ARHGEF6: variants seen among roughly 807,000 people sequenced by gnomAD.
ARHGEF6 encodes the protein rho guanine nucleotide exchange factor 6.
Under a neutral mutation model 70.3 loss-of-function variants are expected in ARHGEF6, and 9 were observed. The observed-to-expected ratio is 0.13, with a 90% CI of 0.08 to 0.22. The LOEUF (loss-of-function observed/expected upper bound fraction) is 0.22, where lower values mean the gene tolerates loss of function less well. Among genes scored for constraint, ARHGEF6 ranks in the 10% least tolerant of loss-of-function variants. The probability of loss-of-function intolerance (pLI) is 1.00; values close to 1 mark genes in which losing one functional copy is unlikely to be tolerated. For synonymous variants in ARHGEF6, 201 were observed against 207.8 expected (o/e 0.97, Z 0.28); for missense variants, 470 against 563.0 (o/e 0.83, Z 1.67).
intron 9 of ARHGEF6, among the ~76,000 whole-genome samples, chrX:136,698,492 G>T (rs2076534371): frequency 8.9e-6 from 1 of 111,765 alleles, no homozygotes; most frequent in Non-Finnish European, 1.9e-5. Context: ...AAGTCAAGGA[G>T]AAAACTGAAA....
chrX:136,768,565 A>T (rs2096310099), intron 2 of ARHGEF6: 1 of 112,341 alleles, frequency 8.9e-6, no homozygotes, highest in South Asian at 3.7e-4. Flanking sequence ...CTCATTTTAC[A>T]GATGACTCAA....
intron 7 of ARHGEF6, among the ~76,000 whole-genome samples, chrX:136,711,547 CTT>C (rs906612127): frequency 3.6e-5 from 4 of 111,705 alleles, no homozygotes; most frequent in African/African-American, 9.8e-5. Flanking sequence ...ACAAAAAATA[CTT>C]TGTTTTTTGT....
At chrX:136,726,592 G>A (rs1195932225) in intron 6 of ARHGEF6, among the ~76,000 whole-genome samples, 1 of 111,930 alleles carries the variant, frequency 8.9e-6, no homozygotes. Context: ...CTACAGCAAA[G>A]GTTACCCGAG....
At chrX:136,703,144 A>C in intron 9 of ARHGEF6, among the ~76,000 whole-genome samples, 1 of 112,274 alleles carries the variant, frequency 8.9e-6, no homozygotes, top group Non-Finnish European at 1.9e-5. Flanking sequence ...ATAAATAGGC[A>C]TGAATCTACA....
chrX:136,742,589 T>A (rs974813604), intron 5 of ARHGEF6, among the ~76,000 whole-genome samples: 3 of 111,947 alleles, frequency 2.7e-5, no homozygotes, highest in Non-Finnish European at 3.8e-5. Flanking sequence ...TTCTTATGTA[T>A]AAGGGTTTGC....
At chrX:136,672,999 GC>G (rs747065737) in intron 19 of ARHGEF6, among the ~76,000 whole-genome samples, 1 of 111,998 alleles carries the variant, frequency 8.9e-6, no homozygotes, top group Non-Finnish European at 1.9e-5. Flanking sequence ...AATACAGGTG[GC>G]CCCCCATATC....
chrX:136,761,290 G>C (rs1445807102), intron 2 of ARHGEF6, among the ~76,000 whole-genome samples: 4 of 111,849 alleles, frequency 3.6e-5, no homozygotes, highest in Non-Finnish European at 7.5e-5. Context: ...CTCTTACAAG[G>C]AGTTCCTAAA....
chrX:136,724,014 A>G (rs1314786335), intron 6 of ARHGEF6, among the ~76,000 whole-genome samples: 2 of 110,315 alleles, frequency 1.8e-5, no homozygotes, highest in African/African-American at 6.6e-5. Context: ...GCCCTTTTAT[A>G]TTCGGGAGGG....
At chrX:136,712,764 T>C (rs990047610) in intron 7 of ARHGEF6, among the ~76,000 whole-genome samples, 1 of 112,389 alleles carries the variant, frequency 8.9e-6, no homozygotes, top group Admixed American at 9.4e-5. Flanking sequence ...GAACATTTTG[T>C]CTTTAAAAAC....
At chrX:136,716,232 C>T (rs1338355639) in intron 6 of ARHGEF6, among the ~76,000 whole-genome samples, 2 of 112,794 alleles carry the variant, frequency 1.8e-5, no homozygotes, top group Non-Finnish European at 3.8e-5. Flanking sequence ...TGAGCCACTG[C>T]GCCCGGCCTG....
At chrX:136,732,498 C>T in intron 5 of ARHGEF6, among the ~76,000 whole-genome samples, 1 of 112,269 alleles carries the variant, frequency 8.9e-6, no homozygotes, top group Admixed American at 9.4e-5. Flanking sequence ...ATACGCAAAA[C>T]CAATACTAGC....
intron 21 of ARHGEF6, 23 bp from the exon 22 acceptor site, chrX:136,668,192 G>C: frequency 8.3e-7 from 1 of 1,209,886 alleles, no homozygotes; most frequent in Non-Finnish European, 1.1e-6. Flanking sequence ...AAGATTTGTT[G>C]ATTATCAAAC....
At chrX:136,717,146 A>G (rs1166898020) in intron 6 of ARHGEF6, among the ~76,000 whole-genome samples, 1 of 112,201 alleles carries the variant, frequency 8.9e-6, no homozygotes, top group East Asian at 2.8e-4. Context: ...ATAAATGCAA[A>G]AGAAAATTCT....
intron 2 of ARHGEF6, among the ~76,000 whole-genome samples, chrX:136,756,466 T>C (rs1198393264): frequency 1.8e-5 from 2 of 111,838 alleles, no homozygotes; most frequent in African/African-American, 6.5e-5. Context: ...GAATTGGTTA[T>C]ATTTTCAACC....
chrX:136,750,682 A>G (rs1470651476), intron 2 of ARHGEF6, among the ~76,000 whole-genome samples: 2 of 112,450 alleles, frequency 1.8e-5, no homozygotes, highest in Non-Finnish European at 3.8e-5. Flanking sequence ...CAAATCTAAC[A>G]ACAATAAAAA....
At chrX:136,753,838 C>T (rs1297196709) in intron 2 of ARHGEF6, among the ~76,000 whole-genome samples, 1 of 111,936 alleles carries the variant, frequency 8.9e-6, no homozygotes, top group African/African-American at 3.2e-5. Context: ...TTTAAATGAC[C>T]TATTTATAAA....
intron 6 of ARHGEF6, among the ~76,000 whole-genome samples, chrX:136,715,091 G>A (rs754454425): frequency 8.1e-5 from 9 of 111,050 alleles, no homozygotes; most frequent in Non-Finnish European, 1.5e-4. Flanking sequence ...TCAAAAGCTC[G>A]GGCTTAAATT....
chrX:136,773,179 T>C (rs1180733533), intron 2 of ARHGEF6, among the ~76,000 whole-genome samples: 1 of 111,796 alleles, frequency 8.9e-6, no homozygotes, highest in Non-Finnish European at 1.9e-5. Flanking sequence ...TTTTTCTGCA[T>C]TTCCAAGCTG....
chrX:136,733,385 A>C (rs923290602), intron 5 of ARHGEF6, among the ~76,000 whole-genome samples: 2 of 111,119 alleles, frequency 1.8e-5, no homozygotes, highest in African/African-American at 6.5e-5. Flanking sequence ...TCCCACCCCC[A>C]AAAATTTAAA....
Sources: allele counts gnomAD v4.1 joint callset (sites outside exome capture counted in the v4.1 genomes callset), GRCh38; gene constraint gnomAD v4.1.1; transcripts MANE v1.5; gene names NCBI Gene and HGNC (gene_info 2026-07-23, HGNC 2026-07-21).